KIF27: variants seen among roughly 807,000 people sequenced by gnomAD.
The protein encoded by KIF27 is kinesin family member 27.
Under a neutral mutation model 141.8 loss-of-function variants are expected in KIF27, and 84 were observed. The observed-to-expected ratio is 0.59, with a 90% CI of 0.50 to 0.71. The LOEUF (loss-of-function observed/expected upper bound fraction) is 0.71. Ranked by LOEUF, KIF27 falls within the 30% of genes least tolerant of loss-of-function variation. The pLI, the probability that KIF27 is intolerant of heterozygous loss-of-function variation, is 0.00. For missense variants in KIF27, 1,306 were observed against 1,628.4 expected (o/e 0.80, Z 3.41); for synonymous variants, 471 against 569.5 (o/e 0.83, Z 2.46).
In KIF27 at chr9:83,870,639, A is replaced by G; in HGVS notation, c.2644-7T>C. 1 of 1,613,410 alleles carries G rather than the reference A, an allele frequency of 6.2e-7. No individual in the cohort carries two copies. The highest frequency in any genetic ancestry group is 8.5e-7 in the Non-Finnish European group (1 of 1,179,674). ...CTGTTTTTAATTGTATTTCCTATAG[A>G]AAAAGAAATTGAAAACACCTTATTG... is the stretch of plus-strand genomic sequence containing the variant. On this transcript the variant is annotated splice_region_variant and splice_polypyrimidine_tract_variant and intron_variant, in intron 11 of 17. Transcript: ENST00000297814.
At chr9:83,919,983 G>A (rs944841382) in intron 1 of KIF27, among the ~76,000 whole-genome samples, 1 of 151,692 alleles carries the variant, frequency 6.6e-6, no homozygotes, top group Non-Finnish European at 1.5e-5. Context: ...TGTAATCCCA[G>A]CACTTTGGGA....
chr9:83,847,491 T>C (rs1425590818), intron 16 of KIF27: 1 of 152,208 alleles, frequency 6.6e-6, no homozygotes, highest in Non-Finnish European at 1.5e-5. Flanking sequence ...AACCTTATTA[T>C]TGTCTTTATT....
rs1256336519 is a variant in KIF27 at position 83,867,862 on chromosome 9, T to C, written c.2758-2A>G. ...CCATTTCTTTTGCTCATCCAATTTC[T>C]ACATTAAAATTAAAAAAAAAGTTAC... On this transcript the variant is annotated splice_acceptor_variant, in intron 12 of 17. Coordinates refer to ENST00000297814, the MANE Select transcript of KIF27 (RefSeq NM_017576.4). LOFTEE classifies it high-confidence loss of function. The C allele has an allele frequency of 2.6e-6, 4 of 1,563,986 alleles. No individual in the cohort carries two copies. The highest frequency in any genetic ancestry group is 3.4e-6 in the Non-Finnish European group (4 of 1,162,546).
intron 11 of KIF27, among the ~76,000 whole-genome samples, chr9:83,874,384 G>T (rs2132102980): frequency 6.6e-6 from 1 of 152,288 alleles, no homozygotes; most frequent in Middle Eastern, 3.4e-3. Flanking sequence ...GCTCTGAAGA[G>T]AACCTATGCA....
chr9:83,920,715 G>T (rs1163394313), intron 1 of KIF27, among the ~76,000 whole-genome samples: 4 of 152,116 alleles, frequency 2.6e-5, no homozygotes, highest in Admixed American at 2.6e-4. Flanking sequence ...GACTTAAAAG[G>T]TGTTACTTAA....
chr9:83,861,863 T>C (rs894944427), intron 13 of KIF27, among the ~76,000 whole-genome samples: 15 of 150,268 alleles, frequency 1.0e-4, no homozygotes, highest in African/African-American at 3.2e-4. Context: ...TTTTTAATGA[T>C]TGCCATTCTA....
intron 5 of KIF27, among the ~76,000 whole-genome samples, chr9:83,897,323 T>C (rs117508782): frequency 0.011 from 1,609 of 152,236 alleles, 20 homozygotes; most frequent in Non-Finnish European, 0.015. Context: ...CATGCACAAA[T>C]GGACCTTGAT....
At chr9:83,837,511 A>C in intron 17 of KIF27, 26 bp from the exon 18 acceptor site, 1 of 1,554,084 alleles carries the variant, frequency 6.4e-7, no homozygotes, top group Non-Finnish European at 8.7e-7. Flanking sequence ...AAACCAAAAA[A>C]TTAGATACTA....
At chr9:83,851,086 T>C (rs1948533406) in intron 15 of KIF27, among the ~76,000 whole-genome samples, 2 of 151,978 alleles carry the variant, frequency 1.3e-5, no homozygotes, top group Non-Finnish European at 2.9e-5. Context: ...TCTTCCTGCC[T>C]CAGCCTCCCA....
chr9:83,874,119 T>C (rs1951021688), intron 11 of KIF27, among the ~76,000 whole-genome samples: 1 of 152,212 alleles, frequency 6.6e-6, no homozygotes, highest in South Asian at 2.1e-4. Context: ...CAATGCCTTT[T>C]TCCTTACATT....
chr9:83,875,699 A>AG (rs1299872803), intron 11 of KIF27, among the ~76,000 whole-genome samples: 1 of 152,156 alleles, frequency 6.6e-6, no homozygotes, highest in East Asian at 1.9e-4. Context: ...CACAAAAGCA[A>AG]GGGGAAAACA....
At chr9:83,901,007 G>A (rs1463998967) in intron 4 of KIF27, among the ~76,000 whole-genome samples, 2 of 152,096 alleles carry the variant, frequency 1.3e-5, no homozygotes, top group Admixed American at 6.6e-5. Flanking sequence ...CACCCAGGCT[G>A]GAGTGCAGTG....
rs1255396547 is a variant in KIF27 at position 83,836,002 on chromosome 9, C to T, written c.*999G>A. Among the ~76,000 whole-genome samples, 1 of 151,958 alleles carries T rather than the reference C, an allele frequency of 6.6e-6. No individual in the cohort carries two copies. Among genetic ancestry groups the T allele is most frequent in the Admixed American group, 6.6e-5 (1 of 15,236 alleles). On this transcript the variant is annotated 3_prime_UTR_variant, in exon 18 of 18. Transcript: ENST00000297814. ...GTTCTTAATTCCAAACTAAATTGTA[C>T]ATTATATAGTAAAATTTTGACCAGA...
Position 83,848,155 on chromosome 9 carries a change from CAT to C in KIF27, c.3556+1942_3556+1943del, listed in dbSNP as rs373463465. ...CTCATATATGATATATCTGATATAT[CAT>C]ATATGATATATCTGATATATCATAT... On this transcript the variant is annotated intron_variant, in intron 16 of 17. Coordinates refer to ENST00000297814, the MANE Select transcript of KIF27 (RefSeq NM_017576.4). Among the ~76,000 whole-genome samples the C allele has an allele frequency of 6.6e-5, 3 of 45,722 alleles. 1 individual carries two copies. Among genetic ancestry groups the C allele is most frequent in the Non-Finnish European group, 1.2e-4 (3 of 25,198 alleles). The allele number at this position is 45,722 out of a possible 152,430, so 30.0% of individuals were successfully genotyped here.
chr9:83,916,919 T>A (rs978076957), intron 1 of KIF27, among the ~76,000 whole-genome samples: 1 of 151,952 alleles, frequency 6.6e-6, no homozygotes, highest in African/African-American at 2.4e-5. Context: ...TGTCTTGGCC[T>A]CCCAAAGGGC....
chr9:83,906,615 G>A (rs568552243), intron 3 of KIF27, among the ~76,000 whole-genome samples: 35 of 151,828 alleles, frequency 2.3e-4, no homozygotes, highest in South Asian at 4.2e-4. Flanking sequence ...GGTGGCGGGC[G>A]CCTGTTAGTC....
At chr9:83,895,041 C>T (rs1436454082) in intron 5 of KIF27, among the ~76,000 whole-genome samples, 3 of 150,158 alleles carry the variant, frequency 2.0e-5, no homozygotes, top group Admixed American at 1.3e-4. Context: ...GTCAGGAGAT[C>T]GAGACCAAGA....
intron 6 of KIF27, among the ~76,000 whole-genome samples, chr9:83,890,683 C>A (rs901575020): frequency 9.9e-5 from 15 of 152,158 alleles, no homozygotes; most frequent in African/African-American, 3.6e-4. Context: ...ATGGATCTCA[C>A]GTGAACAAAT....
At chr9:83,839,396 C>T (rs1386432328) in intron 17 of KIF27, among the ~76,000 whole-genome samples, 15 of 152,134 alleles carry the variant, frequency 9.9e-5, no homozygotes, top group Non-Finnish European at 1.3e-4. Context: ...AGGATTCCAA[C>T]CCAGATCTTT....
Sources: allele counts gnomAD v4.1 joint callset (sites outside exome capture counted in the v4.1 genomes callset), GRCh38; gene constraint gnomAD v4.1.1; transcripts MANE v1.5; gene names NCBI Gene and HGNC (gene_info 2026-07-23, HGNC 2026-07-21).